RNF34: variants seen among roughly 807,000 people sequenced by gnomAD.
RNF34 encodes the protein E3 ubiquitin-protein ligase RNF34.
Under a neutral mutation model 37.9 loss-of-function variants are expected in RNF34, and 12 were observed. That is an observed-to-expected ratio of 0.32 (90% CI 0.20 to 0.51). The LOEUF (loss-of-function observed/expected upper bound fraction) is 0.51. RNF34 is among the 20% of genes least tolerant of loss of function. The pLI is 0.97. For missense variants in RNF34, 362 were observed against 472.7 expected (o/e 0.77, Z 2.17); for synonymous variants, 155 against 177.2 (o/e 0.87, Z 1.00).
chr12:121,416,119 C>G, intron 1 of RNF34, 40 bp from the exon 2 acceptor site: 1 of 1,551,146 alleles, frequency 6.4e-7, no homozygotes, highest in Non-Finnish European at 8.9e-7. Context: ...AGCCCAGATT[C>G]CACTTAGCTT....
chr12:121,410,408 G>C (rs1272240042), intron 1 of RNF34, among the ~76,000 whole-genome samples: 1 of 151,822 alleles, frequency 6.6e-6, no homozygotes, highest in Non-Finnish European at 1.5e-5. Flanking sequence ...GTGGTGGTGG[G>C]TGCCTGTAAT....
At chr12:121,404,387 C>CTTTTTTTTTTTTT (rs782225104) in intron 1 of RNF34, among the ~76,000 whole-genome samples, 7 of 65,824 alleles carry the variant, frequency 1.1e-4, no homozygotes, top group South Asian at 8.1e-4. Context: ...GTCATTTAAT[C>CTTTTTTTTTTTTT]TTTTTTTTTT....
chr12:121,403,345 A>G (rs59199848), intron 1 of RNF34, among the ~76,000 whole-genome samples: 33,396 of 150,836 alleles, frequency 0.22, 6,327 homozygotes, highest in African/African-American at 0.52. Flanking sequence ...GCAGTGAGCC[A>G]AGATTGCGCC....
At chr12:121,422,887 G>A (rs1872287089) in intron 5 of RNF34, among the ~76,000 whole-genome samples, 1 of 151,312 alleles carries the variant, frequency 6.6e-6, no homozygotes, top group Admixed American at 6.6e-5. Context: ...AGGGAGGGAA[G>A]GATGCACAAT....
rs1207102427 is a variant in RNF34 at position 121,420,297 on chromosome 12, A to C, written c.689A>C (p.Glu230Ala). 1.9e-6 allele frequency: 3 copies of C among 1,589,058 alleles called. No homozygotes were observed. The highest frequency in any genetic ancestry group is 3.5e-5 in the Admixed American group (2 of 57,050). Residue 230 changes from glutamate (E) to alanine (A), a missense_variant, in exon 4 of 6, where the codon GAG becomes GCG. Coordinates refer to ENST00000361234, the MANE Select transcript of RNF34 (RefSeq NM_025126.4). ...GAAGATGATGATGACGACGATGATGAGGATGATGATGATGAAGAAGAAAAC... is the reference window on the plus strand; with the variant it reads ...GAAGATGATGATGACGACGATGATGCGGATGATGATGATGAAGAAGAAAAC... ...NTEDDDDDDDEDDDDEEENAE... is the reference protein window; with the variant it reads ...NTEDDDDDDDADDDDEEENAE...
At chr12:121,413,610 C>G (rs1425252676) in intron 1 of RNF34, among the ~76,000 whole-genome samples, 1 of 143,952 alleles carries the variant, frequency 6.9e-6, no homozygotes, top group Non-Finnish European at 1.5e-5. Flanking sequence ...TGGAGTCTCG[C>G]TTTGTTGCCC....
chr12:121,402,437 T>TTTTGGTTTGG (rs781876079), intron 1 of RNF34, among the ~76,000 whole-genome samples: 2 of 151,192 alleles, frequency 1.3e-5, no homozygotes, highest in South Asian at 2.1e-4. Flanking sequence ...CCCTTTGGCG[T>TTTTGGTTTGG]TTTGGTTTGG....
chr12:121,423,589 T>A lies in RNF34; in HGVS notation c.*13T>A, dbSNP rs1555283837. ...GTTCAAGTCCTGAAACAGGCTCCCC[T>A]CACCAGGACAGTCACCCCCAAACTT... On this transcript the variant is annotated 3_prime_UTR_variant, in exon 6 of 6. Coordinates refer to ENST00000361234, the MANE Select transcript of RNF34 (RefSeq NM_025126.4). This position sits in a 1 kb window ranked among gnomAD's most constrained non-coding sequence, Gnocchi z 4.3. 6 of 1,607,648 alleles carry A rather than the reference T, an allele frequency of 3.7e-6. No individual in the cohort carries two copies. The highest frequency in any genetic ancestry group is 4.3e-6 in the Non-Finnish European group (5 of 1,175,554).
chr12:121,413,152 A>G (rs1346288136), intron 1 of RNF34, among the ~76,000 whole-genome samples: 3 of 151,820 alleles, frequency 2.0e-5, no homozygotes, highest in African/African-American at 7.3e-5. Flanking sequence ...CGGCCTTCCA[A>G]GTAGCTGGGA....
At chr12:121,402,879 T>C in intron 1 of RNF34, 1 of 1,155,428 alleles carries the variant, frequency 8.7e-7, no homozygotes, top group Non-Finnish European at 1.3e-6. Flanking sequence ...TCTAAAAGTA[T>C]TACATTTTAG....
Position 121,423,348 on chromosome 12 carries a change from G to T in RNF34, c.929-38G>T. The T allele has an allele frequency of 6.5e-7, 1 of 1,528,628 alleles. No homozygotes were observed. The highest frequency in any genetic ancestry group is 8.8e-7 in the Non-Finnish European group (1 of 1,130,096). 94.7% of individuals were successfully genotyped at this position (1,528,628 alleles called of 1,614,324 possible). A position where few individuals can be genotyped will look rare whatever the true frequency, so the allele number is the denominator to read the frequency against. On this transcript the variant is annotated intron_variant, in intron 5 of 5. Coordinates refer to ENST00000361234, the MANE Select transcript of RNF34 (RefSeq NM_025126.4). This position sits in a 1 kb window ranked among gnomAD's most constrained non-coding sequence, Gnocchi z 4.3. ...GGAGGGTGGCTGGCTGACTGGCCAT[G>T]CCTGAAGCCGAGGCCTTAGCTCTCT... is the stretch of plus-strand genomic sequence containing the variant.
chr12:121,420,468 T>C (rs1872030447), intron 4 of RNF34, 109 bp from the exon 5 acceptor site: 1 of 1,566,092 alleles, frequency 6.4e-7, no homozygotes, highest in Non-Finnish European at 8.7e-7. Flanking sequence ...CTGAAACACT[T>C]CTAGGACTGC....
intron 1 of RNF34, among the ~76,000 whole-genome samples, chr12:121,410,154 C>CA (rs59183074): frequency 0.19 from 28,754 of 148,906 alleles, 4,229 homozygotes; most frequent in African/African-American, 0.41. Flanking sequence ...AACTCCGTCT[C>CA]AAAAAAAAAG....
At chr12:121,413,223 C>T (rs190300694) in intron 1 of RNF34, among the ~76,000 whole-genome samples, 6 of 151,898 alleles carry the variant, frequency 4.0e-5, no homozygotes, top group Admixed American at 1.3e-4. Context: ...GACGGCGTTT[C>T]GCCATGTTGT....
At chr12:121,402,349 TTA>T (rs1235386006) in intron 1 of RNF34, among the ~76,000 whole-genome samples, 4 of 152,054 alleles carry the variant, frequency 2.6e-5, no homozygotes, top group Admixed American at 6.6e-5. Flanking sequence ...AGCTAAGCAA[TTA>T]TATGGATAAG....
chr12:121,405,548 ATC>A (rs1870447444), intron 1 of RNF34, among the ~76,000 whole-genome samples: 1 of 152,050 alleles, frequency 6.6e-6, no homozygotes. Context: ...CAGTGGTGCA[ATC>A]TCTGCTTACC....
rs911468531 is a variant in RNF34, at chr12:121,400,865, A to T, written c.6+647A>T. Among the ~76,000 whole-genome samples, 7 of 152,258 alleles carry T rather than the reference A, an allele frequency of 4.6e-5. No individual in the cohort carries two copies. In the East Asian group the frequency reaches 1.4e-3, roughly 29 times the overall value. ...TGAGAGCGTGGGAGCATTACTGATG[A>T]GAAGTTGAAGAAAAGGGGAAAGGGG... On this transcript the variant is annotated intron_variant, in intron 1 of 5. Transcript: ENST00000361234.
intron 1 of RNF34, chr12:121,415,342 C>A: frequency 2.7e-6 from 1 of 368,620 alleles, no homozygotes; most frequent in Non-Finnish European, 5.9e-6. Context: ...ATTTATGGGC[C>A]TGGCATAGTG....
intron 3 of RNF34, among the ~76,000 whole-genome samples, chr12:121,419,446 T>C (rs1871898617): frequency 1.3e-5 from 2 of 152,194 alleles, no homozygotes; most frequent in South Asian, 4.1e-4. Context: ...GTTTTATTAT[T>C]CTCCCAAATG....
Sources: allele counts gnomAD v4.1 joint callset (sites outside exome capture counted in the v4.1 genomes callset), GRCh38; gene constraint gnomAD v4.1.1; non-coding constraint Gnocchi (gnomAD v3.1); transcripts MANE v1.5; gene names NCBI Gene and HGNC (gene_info 2026-07-23, HGNC 2026-07-21).